The following ZFAND3 variants were observed in gnomAD, a reference collection of about 807,000 sequenced individuals.
ZFAND3 encodes the protein AN1-type zinc finger protein 3.
ZFAND3 carries 10 observed loss-of-function variants against 29.6 expected under a neutral mutation model. The ratio of observed to expected loss-of-function variants is 0.34; its 90% CI spans 0.21 to 0.57. The LOEUF is 0.57. Among genes scored for constraint, ZFAND3 ranks in the 20% least tolerant of loss-of-function variants. The probability of loss-of-function intolerance (pLI) is 0.86; values close to 1 mark genes in which losing one functional copy is unlikely to be tolerated. For synonymous variants in ZFAND3, 128 were observed against 112.6 expected (o/e 1.14, Z -0.87); for missense variants, 230 against 304.5 (o/e 0.76, Z 1.82).
rs528574809 is a variant in ZFAND3, at chr6:37,976,072, A to G, written c.112+46073A>G. Among the ~76,000 whole-genome samples the G allele has an allele frequency of 2.6e-5, 4 of 152,238 alleles. No individual in the cohort carries two copies. In the South Asian group the frequency reaches 8.3e-4, roughly 32 times the overall value. ...AGCAAAATTTCATATTTTTTGTTGT[A>G]TAGGTCTTTCACATGTTTTGTCAGA... On this transcript the variant is annotated intron_variant, in intron 2 of 5. Coordinates refer to ENST00000287218, the MANE Select transcript of ZFAND3 (RefSeq NM_021943.3).
chr6:37,965,947 G>C (rs1023548038), intron 2 of ZFAND3, among the ~76,000 whole-genome samples: 3 of 152,052 alleles, frequency 2.0e-5, no homozygotes, highest in East Asian at 1.9e-4. Flanking sequence ...ATTTTTTGTA[G>C]AGATGGGGTT....
At chr6:38,077,610 T>G (rs2127469275) in intron 3 of ZFAND3, among the ~76,000 whole-genome samples, 1 of 152,336 alleles carries the variant, frequency 6.6e-6, no homozygotes, top group African/African-American at 2.4e-5. Context: ...TTCTAATTGA[T>G]GTGCTGTTAT....
At chr6:38,064,058 C>T (rs1764294646) in intron 3 of ZFAND3, among the ~76,000 whole-genome samples, 1 of 152,046 alleles carries the variant, frequency 6.6e-6, no homozygotes, top group Admixed American at 6.5e-5. Flanking sequence ...GAGTTGATGA[C>T]AGCTGTGGCC....
intron 1 of ZFAND3, among the ~76,000 whole-genome samples, chr6:37,848,086 G>T (rs777168477): frequency 1.5e-4 from 23 of 152,230 alleles, no homozygotes; most frequent in Non-Finnish European, 2.8e-4. Flanking sequence ...ATCCCTTTTA[G>T]ATTGCTGCAG....
intron 4 of ZFAND3, among the ~76,000 whole-genome samples, chr6:38,106,216 A>G (rs2127480263): frequency 6.6e-6 from 1 of 152,002 alleles, no homozygotes; most frequent in Admixed American, 6.5e-5. Flanking sequence ...CAATGGTGCA[A>G]TCTCGGGCTC....
chr6:38,077,378 T>A (rs1764574879), intron 3 of ZFAND3, among the ~76,000 whole-genome samples: 2 of 152,218 alleles, frequency 1.3e-5, no homozygotes, highest in Non-Finnish European at 2.9e-5. Context: ...GGATGATGCA[T>A]TTTTAATTAG....
intron 4 of ZFAND3, among the ~76,000 whole-genome samples, chr6:38,109,641 A>G (rs1482607559): frequency 6.6e-6 from 1 of 152,092 alleles, no homozygotes; most frequent in Non-Finnish European, 1.5e-5. Context: ...TGCACCAGAA[A>G]TGGGAAGGGA....
intron 1 of ZFAND3, among the ~76,000 whole-genome samples, chr6:37,888,660 A>G (rs568900647): frequency 1.3e-5 from 2 of 152,076 alleles, no homozygotes; most frequent in Non-Finnish European, 2.9e-5. Flanking sequence ...ATTTCCCTGG[A>G]TATGTTTTAC....
At chr6:38,111,526 C>G (rs1312604611) in intron 4 of ZFAND3, among the ~76,000 whole-genome samples, 1 of 152,162 alleles carries the variant, frequency 6.6e-6, no homozygotes, top group East Asian at 1.9e-4. Flanking sequence ...GACCAGCCCC[C>G]CACTCCTCCT....
intron 2 of ZFAND3, among the ~76,000 whole-genome samples, chr6:38,019,666 A>G (rs559135586): frequency 3.4e-4 from 51 of 152,210 alleles, no homozygotes; most frequent in African/African-American, 1.2e-3. Context: ...TTTTATAGTT[A>G]ACTAGGCTTA....
At chr6:37,836,291 T>A (rs1763966779) in intron 1 of ZFAND3, among the ~76,000 whole-genome samples, 2 of 99,108 alleles carry the variant, frequency 2.0e-5, no homozygotes, top group African/African-American at 8.8e-5. Context: ...TTTCATCTCT[T>A]GAAAAAGTGT....
intron 1 of ZFAND3, among the ~76,000 whole-genome samples, chr6:37,846,007 C>T (rs1764170744): frequency 6.6e-6 from 1 of 152,212 alleles, no homozygotes; most frequent in Admixed American, 6.5e-5. Context: ...TCTCTCATCT[C>T]TACCTCAGCT....
At chr6:38,038,505 T>C (rs1317429475) in intron 2 of ZFAND3, among the ~76,000 whole-genome samples, 1 of 152,166 alleles carries the variant, frequency 6.6e-6, no homozygotes, top group Non-Finnish European at 1.5e-5. Context: ...ACAAGATAAA[T>C]TGTTTATAAA....
intron 3 of ZFAND3, among the ~76,000 whole-genome samples, chr6:38,065,323 A>C (rs1764321552): frequency 6.6e-6 from 1 of 152,002 alleles, no homozygotes; most frequent in Non-Finnish European, 1.5e-5. Context: ...CACAAAAAAA[A>C]AAAAGAAAGA....
chr6:38,053,300 T>A (rs1193670169), intron 2 of ZFAND3, among the ~76,000 whole-genome samples: 2 of 84,362 alleles, frequency 2.4e-5, no homozygotes, highest in East Asian at 8.2e-4. Flanking sequence ...TTTGTTTTCT[T>A]ACAATTTTTT....
intron 2 of ZFAND3, among the ~76,000 whole-genome samples, chr6:37,986,818 G>A (rs1024742643): frequency 2.0e-5 from 3 of 151,958 alleles, no homozygotes; most frequent in African/African-American, 4.8e-5. Context: ...AGAAGCCTAA[G>A]TATTAAAAAG....
At chr6:37,886,099 G>T (rs1038612800) in intron 1 of ZFAND3, among the ~76,000 whole-genome samples, 2 of 151,782 alleles carry the variant, frequency 1.3e-5, no homozygotes, top group African/African-American at 4.8e-5. Context: ...CCAGCCGGGC[G>T]TGGAGGCAGG....
At chr6:37,966,511 A>T (rs929816827) in intron 2 of ZFAND3, among the ~76,000 whole-genome samples, 1 of 152,136 alleles carries the variant, frequency 6.6e-6, no homozygotes, top group Non-Finnish European at 1.5e-5. Flanking sequence ...TGCGGTTCAT[A>T]AGTGACTGAA....
chr6:37,831,682 A>G (rs774606620), intron 1 of ZFAND3, among the ~76,000 whole-genome samples: 3 of 152,210 alleles, frequency 2.0e-5, no homozygotes, highest in African/African-American at 4.8e-5. Flanking sequence ...AGTTAACCAC[A>G]TGAAGATGGT....
Sources: allele counts gnomAD v4.1 joint callset (sites outside exome capture counted in the v4.1 genomes callset), GRCh38; gene constraint gnomAD v4.1.1; transcripts MANE v1.5; gene names NCBI Gene and HGNC (gene_info 2026-07-23, HGNC 2026-07-21).